FAM117B: variants seen among roughly 807,000 people sequenced by gnomAD.
The protein encoded by FAM117B is family with sequence similarity 117 member B.
Under a neutral mutation model 52.8 loss-of-function variants are expected in FAM117B, and 22 were observed. The ratio of observed to expected loss-of-function variants is 0.42; its 90% CI spans 0.30 to 0.59. The LOEUF is 0.59. Ranked by LOEUF, FAM117B falls within the 20% of genes least tolerant of loss-of-function variation. The pLI is 0.22. For missense variants in FAM117B, 678 were observed against 802.6 expected, an observed-to-expected ratio of 0.84 and a Z score of 1.88; for synonymous variants, 309 against 324.1, an observed-to-expected ratio of 0.95 and a Z score of 0.50.
At chr2:202,756,599 G>T (rs577212165) in intron 5 of FAM117B, among the ~76,000 whole-genome samples, 1 of 152,032 alleles carries the variant, frequency 6.6e-6, no homozygotes, top group Non-Finnish European at 1.5e-5. Flanking sequence ...AGAAAATACA[G>T]CTCCCCACAC....
chr2:202,749,691 G>A (rs933947192), intron 4 of FAM117B, among the ~76,000 whole-genome samples: 1 of 152,122 alleles, frequency 6.6e-6, no homozygotes, highest in African/African-American at 2.4e-5. Flanking sequence ...ACTTTGGGAG[G>A]TCAAGGCTGG....
chr2:202,697,835 C>T (rs1193186740), intron 2 of FAM117B, among the ~76,000 whole-genome samples: 2 of 151,948 alleles, frequency 1.3e-5, no homozygotes, highest in Non-Finnish European at 2.9e-5. Flanking sequence ...CAGGTGTGAG[C>T]CACCACACGT....
chr2:202,724,844 A>G, intron 2 of FAM117B, 73 bp from the exon 3 acceptor site: 1 of 1,095,352 alleles, frequency 9.1e-7, no homozygotes, highest in Non-Finnish European at 1.3e-6. Flanking sequence ...TATGTTTTAT[A>G]ATAGAAAAAT....
chr2:202,709,155 T>C (rs970276626), intron 2 of FAM117B, among the ~76,000 whole-genome samples: 1 of 152,112 alleles, frequency 6.6e-6, no homozygotes, highest in African/African-American at 2.4e-5. Context: ...TTTGGAGAAA[T>C]GTCTATTCAA....
At chr2:202,650,910 G>A (rs554821034) in intron 1 of FAM117B, among the ~76,000 whole-genome samples, 53 of 152,108 alleles carry the variant, frequency 3.5e-4, no homozygotes, top group Middle Eastern at 3.4e-3. Flanking sequence ...CTCCCAATCC[G>A]CTGACTCAAA....
chr2:202,637,969 C>G (rs913038191), intron 1 of FAM117B, among the ~76,000 whole-genome samples: 1 of 151,206 alleles, frequency 6.6e-6, no homozygotes, highest in East Asian at 2.0e-4. Context: ...CTCTGCCTCC[C>G]GGGTTCAAGC....
At chr2:202,636,376 T>G (rs1689686842) in intron 1 of FAM117B, among the ~76,000 whole-genome samples, 1 of 152,224 alleles carries the variant, frequency 6.6e-6, no homozygotes, top group South Asian at 2.1e-4. Context: ...ACAAGATTCC[T>G]TAGGAAGGTT....
At position 202,635,487 on chromosome 2, in the gene FAM117B, C is replaced by A; in HGVS notation, c.300C>A (p.Asn100Lys). ...RSTSPTRGGG[N>K]AAARTSPTVA... is the part of the protein sequence containing the mutation. The stretch of plus-strand genomic sequence containing the variant: ...CCAGCCCCACGCGCGGCGGCGGGAA[C>A]GCGGCCGCGCGCACCAGCCCCACGG... The change falls in exon 1 of 8, where the codon AAC becomes AAA. Residue 100 changes from asparagine to lysine, a missense_variant. This residue lies in a region of FAM117B where 583 missense variants were observed against 644.8 expected (regional missense o/e 0.90). Coordinates refer to ENST00000392238, the MANE Select transcript of FAM117B (RefSeq NM_173511.4). 1 of 1,036,664 alleles carries A rather than the reference C, an allele frequency of 9.6e-7. No individual in the cohort carries two copies. Among genetic ancestry groups the A allele is most frequent in the Non-Finnish European group, 1.2e-6 (1 of 866,308 alleles). 64.2% of individuals were successfully genotyped at this position (1,036,664 alleles called of 1,614,324 possible). A position where few individuals can be genotyped will look rare whatever the true frequency, so the allele number is the denominator to read the frequency against.
intron 1 of FAM117B, among the ~76,000 whole-genome samples, chr2:202,652,651 G>A (rs1251639708): frequency 6.6e-6 from 1 of 152,154 alleles, no homozygotes; most frequent in African/African-American, 2.4e-5. Flanking sequence ...GAATTGTTGG[G>A]TGATTGGTAG....
rs1464218602 is a variant in FAM117B, at chr2:202,705,004, C to A, written c.753+8972C>A. 2.0e-5 allele frequency among the ~76,000 whole-genome samples: 3 copies of A among 151,870 alleles called. No homozygotes were observed. The East Asian group carries it at 5.8e-4, about 29-fold the overall frequency. On this transcript the variant is annotated intron_variant, in intron 2 of 7. Transcript: ENST00000392238. Reference sequence around the variant, plus strand: ...TGGAAAATACAGAGAAAGAGAAATGCAGCATTTAAAAAGTTAAGAGGGCCG... The same window carrying A: ...TGGAAAATACAGAGAAAGAGAAATGAAGCATTTAAAAAGTTAAGAGGGCCG...
intron 6 of FAM117B, among the ~76,000 whole-genome samples, chr2:202,757,815 A>G (rs1325594553): frequency 6.6e-6 from 1 of 152,198 alleles, no homozygotes. Context: ...AAAGCCTTCA[A>G]GTTAGTGTTT....
At chr2:202,738,108 G>A in intron 4 of FAM117B, among the ~76,000 whole-genome samples, 1 of 152,132 alleles carries the variant, frequency 6.6e-6, no homozygotes, top group African/African-American at 2.4e-5. Context: ...TTTCAAATGT[G>A]GTTGGTTGTT....
intron 1 of FAM117B, among the ~76,000 whole-genome samples, chr2:202,681,561 A>T (rs1197994598): frequency 6.6e-6 from 1 of 152,242 alleles, no homozygotes; most frequent in African/African-American, 2.4e-5. Context: ...ACATTTCAAA[A>T]TGACAAGGGG....
chr2:202,701,753 G>A (rs556747299), intron 2 of FAM117B, among the ~76,000 whole-genome samples: 126 of 152,328 alleles, frequency 8.3e-4, no homozygotes, highest in African/African-American at 2.8e-3. Context: ...ACTAGAATTA[G>A]AAGTAGAACC....
rs1691981324 is a variant in FAM117B, at chr2:202,766,405, CA to C, written c.*643del. 2 of 152,588 alleles carry C rather than the reference CA, an allele frequency of 1.3e-5. 1 individual carries two copies. The highest frequency in any genetic ancestry group is 4.1e-4 in the South Asian group (2 of 4,822). 9.5% of individuals were successfully genotyped at this position (152,588 alleles called of 1,614,324 possible). ...AGGATTGATAGGTAAATGCATTGAA[CA>C]AGTATATATAAAAAGAGATTAAAAA... On this transcript the variant is annotated 3_prime_UTR_variant, in exon 8 of 8. Transcript: ENST00000392238.
At chr2:202,648,102 G>A (rs1246717649) in intron 1 of FAM117B, among the ~76,000 whole-genome samples, 1 of 152,094 alleles carries the variant, frequency 6.6e-6, no homozygotes, top group Non-Finnish European at 1.5e-5. Flanking sequence ...ATTATAAATG[G>A]TAAGGAGAAT....
chr2:202,692,542 A>AT (rs1178620882), intron 1 of FAM117B, among the ~76,000 whole-genome samples: 9 of 152,350 alleles, frequency 5.9e-5, no homozygotes, highest in African/African-American at 1.7e-4. Context: ...AATTGAATGC[A>AT]TTTTTTGTAA....
rs146855145 is a variant in FAM117B at position 202,768,801 on chromosome 2, A to G, written c.*3037A>G. 7.2e-4 allele frequency: 109 copies of G among 152,304 alleles called. No individual in the cohort carries two copies. The highest frequency in any genetic ancestry group is 2.5e-3 in the African/African-American group (103 of 41,582). 9.4% of individuals were successfully genotyped at this position (152,304 alleles called of 1,614,324 possible). Reference sequence around the variant, plus strand: ...AATTTTTTTAATTTTATAAAAATTTATTTCCATTGCATTAAAAGAAATGGG... The same window carrying G: ...AATTTTTTTAATTTTATAAAAATTTGTTTCCATTGCATTAAAAGAAATGGG... On this transcript the variant is annotated 3_prime_UTR_variant, in exon 8 of 8. Coordinates refer to ENST00000392238, the MANE Select transcript of FAM117B (RefSeq NM_173511.4).
chr2:202,752,164 TA>T (rs926060289), intron 4 of FAM117B, among the ~76,000 whole-genome samples: 1 of 152,108 alleles, frequency 6.6e-6, no homozygotes, highest in African/African-American at 2.4e-5. Flanking sequence ...AAATACAAAA[TA>T]AAAATTGCAG....
Sources: allele counts gnomAD v4.1 joint callset (sites outside exome capture counted in the v4.1 genomes callset), GRCh38; gene constraint gnomAD v4.1.1; regional missense constraint gnomAD v4.1.1; transcripts MANE v1.5; gene names NCBI Gene and HGNC (gene_info 2026-07-23, HGNC 2026-07-21).